The following EPB41 variants were observed in gnomAD, a reference collection of about 807,000 sequenced individuals.
The protein encoded by EPB41 is protein 4.1.
A neutral mutation model predicts 108.0 loss-of-function variants in EPB41; 65 were observed. That is an observed-to-expected ratio of 0.60 (90% CI 0.49 to 0.74). The LOEUF (loss-of-function observed/expected upper bound fraction) is 0.74, where lower values mean the gene tolerates loss of function less well. Ranked by LOEUF, EPB41 falls within the 30% of genes least tolerant of loss-of-function variation. EPB41 has a pLI of 0.00. For synonymous variants in EPB41, 336 were observed against 358.9 expected, an observed-to-expected ratio of 0.94 and a Z score of 0.72; for missense variants, 875 against 1,037.0, an observed-to-expected ratio of 0.84 and a Z score of 2.15.
At chr1:28,919,524 C>T (rs1299629413) in intron 1 of EPB41, among the ~76,000 whole-genome samples, 3 of 151,876 alleles carry the variant, frequency 2.0e-5, no homozygotes, top group South Asian at 4.2e-4. Flanking sequence ...AATGCAGTGG[C>T]ATGATCTCGG....
At chr1:29,005,306 C>T (rs2096380726) in intron 4 of EPB41, among the ~76,000 whole-genome samples, 1 of 152,088 alleles carries the variant, frequency 6.6e-6, no homozygotes, top group South Asian at 2.1e-4. Context: ...ATGAGAACAA[C>T]ACCAAAGGGG....
chr1:29,057,939 T>G (rs1467856056), intron 12 of EPB41, among the ~76,000 whole-genome samples: 2 of 152,240 alleles, frequency 1.3e-5, no homozygotes, highest in Admixed American at 6.5e-5. Flanking sequence ...TGTGCTTGTT[T>G]ATAAGCCAGC....
At chr1:29,050,890 T>C (rs918949771) in intron 11 of EPB41, among the ~76,000 whole-genome samples, 2 of 151,890 alleles carry the variant, frequency 1.3e-5, no homozygotes, top group African/African-American at 2.4e-5. Context: ...TTAGCCAGGA[T>C]GGCCTCAATC....
intron 16 of EPB41, among the ~76,000 whole-genome samples, chr1:29,095,402 A>G (rs1272692513): frequency 1.3e-5 from 2 of 152,230 alleles, no homozygotes; most frequent in African/African-American, 4.8e-5. Context: ...CTCCCTGACA[A>G]CTAGTCTAGA....
At position 29,097,884 on chromosome 1, in the gene EPB41, C is replaced by A. The variant is rs527487140; in HGVS notation, c.2262C>A (p.Asp754Glu). The change falls in exon 17 of 21, where the codon GAC becomes GAA. Residue 754 changes from aspartate to glutamate, a missense_variant. By Grantham distance (45) the Asp-to-Glu change is conservative. Transcript: ENST00000343067. ...NAVKSEIPTK[D>E]VPIVHTETKT... ...TGAAAAGTGAAATCCCAACCAAAGACGTCCCTATTGTCCACACTGAGACCA... is the reference window on the plus strand; with the variant it reads ...TGAAAAGTGAAATCCCAACCAAAGAAGTCCCTATTGTCCACACTGAGACCA... The A allele has an allele frequency of 6.2e-7, 1 of 1,614,008 alleles. No individual in the cohort carries two copies. Among genetic ancestry groups the A allele is most frequent in the Non-Finnish European group, 8.5e-7 (1 of 1,179,892 alleles).
At chr1:29,068,337 G>A (rs1573504753) in intron 16 of EPB41, among the ~76,000 whole-genome samples, 1 of 152,326 alleles carries the variant, frequency 6.6e-6, no homozygotes, top group East Asian at 1.9e-4. Flanking sequence ...TCTCTTGGAT[G>A]AGGCTGGGTA....
chr1:29,037,399 T>C (rs1409896342), intron 10 of EPB41, among the ~76,000 whole-genome samples: 2 of 151,970 alleles, frequency 1.3e-5, no homozygotes, highest in Non-Finnish European at 2.9e-5. Flanking sequence ...TATTAACCCC[T>C]TGAGTTCGTT....
At chr1:29,009,055 A>G (rs2096457908) in intron 4 of EPB41, among the ~76,000 whole-genome samples, 1 of 151,966 alleles carries the variant, frequency 6.6e-6, no homozygotes, top group Non-Finnish European at 1.5e-5. Context: ...TGTAATTGTC[A>G]CACCTCCTCG....
chr1:28,905,389 C>T (rs1011920406), intron 1 of EPB41, among the ~76,000 whole-genome samples: 12 of 145,200 alleles, frequency 8.3e-5, no homozygotes, highest in Admixed American at 2.1e-4. Context: ...CCCAGCTACT[C>T]GGGAAGCTGA....
intron 16 of EPB41, among the ~76,000 whole-genome samples, chr1:29,087,581 C>T (rs1027737568): frequency 2.6e-5 from 4 of 151,074 alleles, no homozygotes; most frequent in South Asian, 2.1e-4. Context: ...AGGCTGGTCT[C>T]GAACTCCCAA....
At chr1:28,984,084 T>C (rs1426984849) in intron 1 of EPB41, among the ~76,000 whole-genome samples, 3 of 152,114 alleles carry the variant, frequency 2.0e-5, no homozygotes, top group African/African-American at 4.8e-5. Context: ...GCCGAATTCT[T>C]CTCTGAAGTT....
chr1:28,973,346 C>T (rs1373620360), intron 1 of EPB41, among the ~76,000 whole-genome samples: 1 of 151,936 alleles, frequency 6.6e-6, no homozygotes, highest in Non-Finnish European at 1.5e-5. Flanking sequence ...ATAATATAGC[C>T]TTTAAAAAAT....
intron 1 of EPB41, among the ~76,000 whole-genome samples, chr1:28,960,761 A>C (rs565786289): frequency 1.3e-5 from 2 of 151,596 alleles, no homozygotes; most frequent in East Asian, 3.9e-4. Context: ...GGCCAGGCGC[A>C]ATGGCTCACG....
At chr1:28,900,155 G>A (rs2147896974) in intron 1 of EPB41, among the ~76,000 whole-genome samples, 1 of 152,236 alleles carries the variant, frequency 6.6e-6, no homozygotes, top group South Asian at 2.1e-4. Context: ...AAATGTACAG[G>A]ATTGATTGAA....
intron 1 of EPB41, among the ~76,000 whole-genome samples, chr1:28,953,694 A>G (rs939750434): frequency 2.6e-5 from 4 of 152,236 alleles, no homozygotes; most frequent in Non-Finnish European, 5.9e-5. Flanking sequence ...AGACAAAACT[A>G]AACTTTTTTT....
chr1:28,947,997 T>C (rs1340687886), intron 1 of EPB41, among the ~76,000 whole-genome samples: 1 of 152,128 alleles, frequency 6.6e-6, no homozygotes, highest in Non-Finnish European at 1.5e-5. Flanking sequence ...TTTCATGTTC[T>C]TTTTAAACAT....
chr1:29,075,002 C>T (rs1322645138), intron 16 of EPB41, among the ~76,000 whole-genome samples: 1 of 151,836 alleles, frequency 6.6e-6, no homozygotes, highest in African/African-American at 2.4e-5. Flanking sequence ...ACTAAAAATA[C>T]AAAAATTAGC....
Position 29,109,333 on chromosome 1 carries a change from C to T in EPB41, c.2314-3C>T, listed in dbSNP as rs185906696. The T allele has an allele frequency of 4.3e-6, 7 of 1,612,878 alleles. No homozygotes were observed. The Admixed American group carries it at 1.2e-4, about 27-fold the overall frequency. ...TGATGATGAGCCATGCTTTCTTCTG[C>T]AGACTGACGACAACAGTGGAGACTT... is the stretch of plus-strand genomic sequence containing the variant. On this transcript the variant is annotated splice_polypyrimidine_tract_variant and splice_region_variant and intron_variant, in intron 17 of 20. Transcript: ENST00000343067.
chr1:29,039,508 C>T (rs1004288880), intron 11 of EPB41, 82 bp downstream of exon 11: 7 of 1,557,320 alleles, frequency 4.5e-6, no homozygotes, highest in Admixed American at 3.6e-5. Context: ...ATAAGAGAAC[C>T]GAATTAAAGA....
Sources: gnomAD v4.1 joint callset for allele counts (sites outside exome capture counted in the v4.1 genomes callset) on GRCh38, gnomAD v4.1.1 for gene constraint, MANE v1.5 for transcripts, NCBI Gene and HGNC (gene_info 2026-07-23, HGNC 2026-07-21) for gene names.